The following UBE2E2 variants were observed in gnomAD, a reference collection of about 807,000 sequenced individuals.
The protein encoded by UBE2E2 is ubiquitin conjugating enzyme E2 E2.
A neutral mutation model predicts 24.7 loss-of-function variants in UBE2E2; 6 were observed. The observed-to-expected ratio is 0.24, with a 90% CI of 0.13 to 0.48. The LOEUF (loss-of-function observed/expected upper bound fraction) is 0.48, where lower values mean the gene tolerates loss of function less well. Among genes scored for constraint, UBE2E2 ranks in the 20% least tolerant of loss-of-function variants. UBE2E2 has a pLI of 0.99. For missense variants in UBE2E2, 169 were observed against 245.0 expected (o/e 0.69, Z 2.07); for synonymous variants, 104 against 83.6 (o/e 1.24, Z -1.33).
At chr3:23,571,280 C>CTTTCTTTTTTTTTTTT (rs1696218039) in intron 5 of UBE2E2, among the ~76,000 whole-genome samples, 13 of 29,866 alleles carry the variant, frequency 4.4e-4, no homozygotes, top group African/African-American at 1.2e-3. Flanking sequence ...GTGCTCCTTT[C>CTTTCTTTTTTTTTTTT]TTTTTTTTTT....
chr3:23,501,194 A>G (rs1231128410), intron 4 of UBE2E2, among the ~76,000 whole-genome samples: 1 of 152,194 alleles, frequency 6.6e-6, no homozygotes, highest in African/African-American at 2.4e-5. Flanking sequence ...AACTCAGACC[A>G]GGCTATTGTG....
chr3:23,501,027 C>A (rs1031883542), intron 4 of UBE2E2, among the ~76,000 whole-genome samples: 1 of 152,078 alleles, frequency 6.6e-6, no homozygotes, highest in Non-Finnish European at 1.5e-5. Flanking sequence ...TAATACTTAT[C>A]TTCTCCCTTT....
intron 3 of UBE2E2, chr3:23,389,609 G>A: frequency 3.8e-6 from 1 of 262,712 alleles, no homozygotes; most frequent in Non-Finnish European, 7.9e-6. Context: ...GTTCCTTCAT[G>A]TCTACATCCT....
chr3:23,239,381 C>T (rs1282204238), intron 3 of UBE2E2, among the ~76,000 whole-genome samples: 1 of 152,074 alleles, frequency 6.6e-6, no homozygotes, highest in Non-Finnish European at 1.5e-5. Flanking sequence ...TCATTACTTC[C>T]AAAACATTTT....
At chr3:23,546,367 CAT>C (rs1264793709) in intron 5 of UBE2E2, among the ~76,000 whole-genome samples, 1 of 151,368 alleles carries the variant, frequency 6.6e-6, no homozygotes, top group Non-Finnish European at 1.5e-5. Context: ...TCTTTACTCA[CAT>C]GTCTTTTACT....
chr3:23,566,003 A>C (rs547710653), intron 5 of UBE2E2, among the ~76,000 whole-genome samples: 1 of 152,324 alleles, frequency 6.6e-6, no homozygotes, highest in Admixed American at 6.5e-5. Flanking sequence ...GATGGAAGCC[A>C]CTACATATTA....
intron 3 of UBE2E2, chr3:23,271,128 T>C (rs1045258933): frequency 1.2e-4 from 51 of 431,730 alleles, no homozygotes; most frequent in Admixed American, 5.2e-5. Flanking sequence ...CAGAAACTTG[T>C]ATTCTAATGG....
Position 23,367,203 on chromosome 3 carries a change from A to G in UBE2E2, c.228-132405A>G, listed in dbSNP as rs150709331. Reference sequence around the variant, plus strand: ...TTAATTTGCCCTGTGTTTGTTGACAAACCAATCTTTATGATAGAATGGCTG... The same window carrying G: ...TTAATTTGCCCTGTGTTTGTTGACAGACCAATCTTTATGATAGAATGGCTG... On this transcript the variant is annotated intron_variant, in intron 3 of 5. Coordinates refer to ENST00000396703, the MANE Select transcript of UBE2E2 (RefSeq NM_152653.4). 2.5e-3 allele frequency among the ~76,000 whole-genome samples: 387 copies of G among 152,310 alleles called. 3 individuals carry two copies. Among genetic ancestry groups the G allele is most frequent in the African/African-American group, 8.9e-3 (370 of 41,562 alleles).
intron 3 of UBE2E2, among the ~76,000 whole-genome samples, chr3:23,471,820 A>G (rs990849364): frequency 8.5e-5 from 13 of 152,266 alleles, no homozygotes; most frequent in African/African-American, 2.7e-4. Flanking sequence ...CAGTCCCACA[A>G]AGTGGGAGAC....
At chr3:23,322,451 A>G (rs1356409866) in intron 3 of UBE2E2, among the ~76,000 whole-genome samples, 1 of 152,202 alleles carries the variant, frequency 6.6e-6, no homozygotes, top group Non-Finnish European at 1.5e-5. Context: ...TTTTTTGGAC[A>G]GAATCCCCAT....
chr3:23,221,056 G>A (rs989110854), intron 3 of UBE2E2, among the ~76,000 whole-genome samples: 1 of 152,178 alleles, frequency 6.6e-6, no homozygotes, highest in Non-Finnish European at 1.5e-5. Flanking sequence ...GCTAAAGTTT[G>A]TATTAGGTTT....
At chr3:23,390,748 G>A (rs1049257090) in intron 3 of UBE2E2, among the ~76,000 whole-genome samples, 6 of 152,288 alleles carry the variant, frequency 3.9e-5, no homozygotes, top group Admixed American at 3.9e-4. Context: ...CAAGGGGTTT[G>A]AGCTCAGTGG....
At chr3:23,467,270 A>C (rs1000593585) in intron 3 of UBE2E2, among the ~76,000 whole-genome samples, 2 of 152,188 alleles carry the variant, frequency 1.3e-5, no homozygotes, top group Non-Finnish European at 2.9e-5. Flanking sequence ...TGATCTTTTA[A>C]GTGTGTTTTT....
At chr3:23,276,285 T>C (rs955355293) in intron 3 of UBE2E2, among the ~76,000 whole-genome samples, 6 of 152,060 alleles carry the variant, frequency 3.9e-5, no homozygotes, top group African/African-American at 1.4e-4. Flanking sequence ...ATACACTTCA[T>C]TTATTCTAAT....
intron 3 of UBE2E2, among the ~76,000 whole-genome samples, chr3:23,379,449 G>A (rs1359653246): frequency 7.3e-6 from 1 of 136,388 alleles, no homozygotes; most frequent in African/African-American, 2.8e-5. Flanking sequence ...CTGTGTCCAT[G>A]TGATCTCATT....
At chr3:23,230,835 G>A (rs1209192622) in intron 3 of UBE2E2, among the ~76,000 whole-genome samples, 1 of 151,662 alleles carries the variant, frequency 6.6e-6, no homozygotes, top group Non-Finnish European at 1.5e-5. Context: ...TTCCTGGAGA[G>A]GTGAAGGGTC....
At position 23,217,297 on chromosome 3, in the gene UBE2E2, C is replaced by G. The variant is rs1277194506; in HGVS notation, c.212C>G (p.Pro71Arg). 6.2e-7 allele frequency: 1 copy of G among 1,612,640 alleles called. No individual in the cohort carries two copies. Among genetic ancestry groups the G allele is most frequent in the South Asian group, 1.1e-5 (1 of 91,000 alleles). Residue 71 changes from proline to arginine, a missense_variant, in exon 3 of 6, where the codon CCT becomes CGT. By Grantham distance (103) the Pro-to-Arg change is moderately radical (BLOSUM62 -2). Coordinates refer to ENST00000396703, the MANE Select transcript of UBE2E2 (RefSeq NM_152653.4). The part of the protein sequence containing the change: ...QKELAEITLD[P>R]PPNCSAGPKG... ...GAACTTGCAGAAATCACATTGGACCCTCCTCCCAACTGTAGGTAAGTACTC... is the reference window on the plus strand; with the variant it reads ...GAACTTGCAGAAATCACATTGGACCGTCCTCCCAACTGTAGGTAAGTACTC...
intron 3 of UBE2E2, among the ~76,000 whole-genome samples, chr3:23,485,479 A>C (rs1054892532): frequency 6.6e-6 from 1 of 152,162 alleles, no homozygotes; most frequent in Non-Finnish European, 1.5e-5. Context: ...GCCATCTAGC[A>C]CTTTTCTTCT....
chr3:23,347,335 A>C (rs1375014389), intron 3 of UBE2E2, among the ~76,000 whole-genome samples: 1 of 152,248 alleles, frequency 6.6e-6, no homozygotes, highest in Non-Finnish European at 1.5e-5. Context: ...TGAATTAAGA[A>C]AATGTGGCAC....
Sources: gnomAD v4.1 joint callset for allele counts (sites outside exome capture counted in the v4.1 genomes callset) on GRCh38, gnomAD v4.1.1 for gene constraint, MANE v1.5 for transcripts, NCBI Gene and HGNC (gene_info 2026-07-23, HGNC 2026-07-21) for gene names.